The following ZFR2 variants were observed in gnomAD, a reference collection of about 807,000 sequenced individuals.
The protein encoded by ZFR2 is zinc finger RNA-binding protein 2.
A neutral mutation model predicts 105.7 loss-of-function variants in ZFR2; 104 were observed. That is an observed-to-expected ratio of 0.98 (90% confidence interval 0.84 to 1.16). ZFR2 has a LOEUF of 1.16. Among genes scored for constraint, ZFR2 ranks in the 50% most tolerant of loss-of-function variants. The probability of loss-of-function intolerance (pLI) is 0.00; values close to 1 mark genes in which losing one functional copy is unlikely to be tolerated. For missense variants in ZFR2, 1,425 were observed against 1,355.5 expected (o/e 1.05, Z -0.80); for synonymous variants, 634 against 597.7 (o/e 1.06, Z -0.89).
intron 5 of ZFR2, among the ~76,000 whole-genome samples, chr19:3,829,671 C>T (rs1385647343): frequency 6.6e-6 from 1 of 152,128 alleles, no homozygotes; most frequent in African/African-American, 2.4e-5. Context: ...TACCACCATG[C>T]CCAGCTAATT....
rs2038410934 is a variant in ZFR2 at position 3,864,710 on chromosome 19, A to ATCTT, written c.53+4251_53+4254dup. Among the ~76,000 whole-genome samples, 7 of 152,112 alleles carry ATCTT rather than the reference A, an allele frequency of 4.6e-5. No homozygotes were observed. The South Asian group carries it at 1.2e-3, about 27-fold the overall frequency. Reference sequence around the variant, plus strand: ...AGCTAAAAAACTGTGCTCAATGCTAATCTTTCTTTTCTTTTCTCTCTTCTC... The same window carrying ATCTT: ...AGCTAAAAAACTGTGCTCAATGCTAATCTTTCTTTCTTTTCTTTTCTCTCTTCTC... On this transcript the variant is annotated intron_variant, in intron 1 of 18. Coordinates refer to ENST00000262961, the MANE Select transcript of ZFR2 (RefSeq NM_015174.2).
chr19:3,824,236 G>A (rs1006334580), intron 7 of ZFR2, among the ~76,000 whole-genome samples: 1 of 152,178 alleles, frequency 6.6e-6, no homozygotes, highest in Non-Finnish European at 1.5e-5. Flanking sequence ...GGAGGTGGAG[G>A]CTGCAGTGAG....
chr19:3,840,159 C>T (rs12461613), intron 1 of ZFR2, among the ~76,000 whole-genome samples: 34,673 of 152,044 alleles, frequency 0.23, 4,866 homozygotes, highest in Admixed American at 0.34. Context: ...GGATCCTCTG[C>T]CCAGGCCCTG....
chr19:3,807,182 G>GCGGTCA lies in ZFR2; in HGVS notation c.2627_2632dup (p.Val876_Thr877dup). On this transcript the variant is annotated inframe_insertion, in exon 18 of 19. Transcript: ENST00000262961. ...ACTTGACCCTCCTACCTGGGCGCTG[G>GCGGTCA]CGGTCACGTCTTCCCGCTCTTGGAG... is the stretch of plus-strand genomic sequence containing the variant. 6.4e-7 allele frequency: 1 copy of GCGGTCA among 1,554,216 alleles called. No homozygotes were observed. Among genetic ancestry groups the GCGGTCA allele is most frequent in the Non-Finnish European group, 8.7e-7 (1 of 1,148,274 alleles).
At chr19:3,825,683 G>A (rs552841881) in intron 6 of ZFR2, among the ~76,000 whole-genome samples, 6 of 152,118 alleles carry the variant, frequency 3.9e-5, no homozygotes, top group South Asian at 2.1e-4. Context: ...TCACACGGAC[G>A]CTCTTCCTCC....
At chr19:3,812,686 A>G (rs1186064713) in intron 14 of ZFR2, among the ~76,000 whole-genome samples, 2 of 152,124 alleles carry the variant, frequency 1.3e-5, no homozygotes, top group Non-Finnish European at 2.9e-5. Context: ...CCCACACTGT[A>G]CTTAGTTTTT....
intron 17 of ZFR2, among the ~76,000 whole-genome samples, chr19:3,808,070 CGT>C (rs931692627): frequency 1.4e-5 from 2 of 139,496 alleles, no homozygotes; most frequent in Non-Finnish European, 3.1e-5. Flanking sequence ...CATGTGTGCC[CGT>C]GTGTGCAAGT....
Position 3,806,095 on chromosome 19 carries a change from T to A in ZFR2, c.2674A>T (p.Thr892Ser). Residue 892 changes from threonine to serine, a missense_variant, in exon 19 of 19, where the codon ACC becomes TCC. Transcript: ENST00000262961. ...AGATCCATGCCCAGGACCTTGTGGG[T>A]CTGCCGGAAGGCCAGCATTCGCAGG... ...HALRMLAFRQ[T>S]HKVLGMDLLP... The A allele has an allele frequency of 6.7e-7, 1 of 1,490,978 alleles. No individual in the cohort carries two copies. 92.4% of individuals were successfully genotyped at this position (1,490,978 alleles called of 1,614,324 possible).
In ZFR2 at chr19:3,825,205, C is replaced by G. The variant is rs530756708; in HGVS notation, c.1213+25G>C. 3 of 1,466,472 alleles carry G rather than the reference C, an allele frequency of 2.0e-6. No individual in the cohort carries two copies. The South Asian group carries it at 4.2e-5, about 21-fold the overall frequency. 90.8% of individuals were successfully genotyped at this position (1,466,472 alleles called of 1,614,324 possible). ...GGCGGCCAGGGCTCTGGTGGGTACACGAACACGCATACAGACACACGTACC... is the reference window on the plus strand; with the variant it reads ...GGCGGCCAGGGCTCTGGTGGGTACAGGAACACGCATACAGACACACGTACC... On this transcript the variant is annotated intron_variant, in intron 7 of 18. Coordinates refer to ENST00000262961, the MANE Select transcript of ZFR2 (RefSeq NM_015174.2).
intron 14 of ZFR2, 23 bp from the exon 15 acceptor site, chr19:3,811,389 G>A (rs2037762773): frequency 1.9e-6 from 3 of 1,557,088 alleles, no homozygotes; most frequent in Admixed American, 1.9e-5. Flanking sequence ...AAACCTCGAG[G>A]TGTGCGGGGA....
Position 3,809,939 on chromosome 19 carries a change from C to T in ZFR2, c.2433+811G>A, listed in dbSNP as rs1401443233. On this transcript the variant is annotated intron_variant, in intron 16 of 18. Transcript: ENST00000262961. ...AGCCTGGGCAACAAGAGCGAGACTC[C>T]ATCTCAAAAAAATGATTTTAAAAAA... Among the ~76,000 whole-genome samples, 12 of 151,590 alleles carry T rather than the reference C, an allele frequency of 7.9e-5. 1 individual carries two copies. In the South Asian group the frequency reaches 1.5e-3, roughly 19 times the overall value.
In ZFR2 at chr19:3,808,764, T is replaced by C. The variant is rs1484168376; in HGVS notation, c.2545+108A>G. On this transcript the variant is annotated intron_variant, in intron 17 of 18. Coordinates refer to ENST00000262961, the MANE Select transcript of ZFR2 (RefSeq NM_015174.2). Reference sequence around the variant, plus strand: ...TTGTGGGCCGCACTCCTGCCTGGGCTGGACACTTCCTCTGTGTCTGTGACC... The same window carrying C: ...TTGTGGGCCGCACTCCTGCCTGGGCCGGACACTTCCTCTGTGTCTGTGACC... The C allele has an allele frequency of 8.4e-6, 8 of 946,792 alleles. No individual in the cohort carries two copies. In the East Asian group the frequency reaches 2.3e-4, roughly 27 times the overall value. 58.6% of individuals were successfully genotyped at this position (946,792 alleles called of 1,614,324 possible). A position where few individuals can be genotyped will look rare whatever the true frequency, so the allele number is the denominator to read the frequency against.
Position 3,813,275 on chromosome 19 carries a change from A to G in ZFR2, c.2242+545T>C, listed in dbSNP as rs2037787681. Among the ~76,000 whole-genome samples the G allele has an allele frequency of 6.6e-6, 1 of 152,218 alleles. No homozygotes were observed. The highest frequency in any genetic ancestry group is 2.4e-5 in the African/African-American group (1 of 41,458). ...AGCACAGACGTGCAGTGTGTTACTGATGCCTGTCTTCGCTGTGGCCGCTGG... is the reference window on the plus strand; with the variant it reads ...AGCACAGACGTGCAGTGTGTTACTGGTGCCTGTCTTCGCTGTGGCCGCTGG... On this transcript the variant is annotated intron_variant, in intron 14 of 18. Transcript: ENST00000262961. This position sits in a 1 kb window ranked among gnomAD's most constrained non-coding sequence, Gnocchi z 4.4.
chr19:3,805,464 C>T lies in ZFR2; in HGVS notation c.*485G>A, dbSNP rs2037685774. 6.5e-6 allele frequency: 1 copy of T among 153,826 alleles called. No individual in the cohort carries two copies. The highest frequency in any genetic ancestry group is 6.5e-5 in the Admixed American group (1 of 15,414). The allele number at this position is 153,826 out of a possible 1,614,324, so 9.5% of individuals were successfully genotyped here. On this transcript the variant is annotated 3_prime_UTR_variant, in exon 19 of 19. Coordinates refer to ENST00000262961, the MANE Select transcript of ZFR2 (RefSeq NM_015174.2). The stretch of plus-strand genomic sequence containing the variant: ...GCCCTCCTGGCCTCAAGGCTCCGGA[C>T]TCAGCCTCCCAAGTAGCTGGGACTA...
At chr19:3,862,831 A>C (rs905298753) in intron 1 of ZFR2, among the ~76,000 whole-genome samples, 4 of 152,044 alleles carry the variant, frequency 2.6e-5, no homozygotes, top group African/African-American at 7.2e-5. Flanking sequence ...AAGGGCGTGA[A>C]AAAGACCGCA....
intron 7 of ZFR2, among the ~76,000 whole-genome samples, chr19:3,824,963 A>G (rs892370402): frequency 6.6e-6 from 1 of 152,050 alleles, no homozygotes; most frequent in Non-Finnish European, 1.5e-5. Context: ...AAAAAACTCT[A>G]CAGGAAGAAA....
rs367968023 is a variant in ZFR2, at chr19:3,847,250, G to C, written c.54-12267C>G. On this transcript the variant is annotated intron_variant, in intron 1 of 18. Coordinates refer to ENST00000262961, the MANE Select transcript of ZFR2 (RefSeq NM_015174.2). ...ATCATTTCATAGAGCCGGGGGCAGG[G>C]GGGTGGCTCACACCTGTAATCCCAA... is the stretch of plus-strand genomic sequence containing the variant. Among the ~76,000 whole-genome samples the C allele has an allele frequency of 2.0e-5, 3 of 152,308 alleles. No homozygotes were observed. In the South Asian group the frequency reaches 6.2e-4, roughly 32 times the overall value.
chr19:3,807,714 C>G (rs948680309), intron 17 of ZFR2, among the ~76,000 whole-genome samples: 1 of 149,392 alleles, frequency 6.7e-6, no homozygotes, highest in African/African-American at 2.5e-5. Context: ...TCCATGCATG[C>G]ACGGTGTGCC....
At position 3,831,663 on chromosome 19, in the gene ZFR2, T is replaced by G; in HGVS notation, c.595A>C (p.Thr199Pro). The G allele has an allele frequency of 6.5e-7, 1 of 1,545,240 alleles. No individual in the cohort carries two copies. The change falls in exon 4 of 19, where the codon ACG becomes CCG. Residue 199 changes from threonine (T) to proline (P), a missense_variant. Coordinates refer to ENST00000262961, the MANE Select transcript of ZFR2 (RefSeq NM_015174.2). ...GGGCAAGGAACGCTGGTCTTACCCG[T>G]GTAGGCGGTGCAGGTGGGGTTGTAG... ...PSYNPTCTAY[T>P]APSYPNYDAS...
Sources: gnomAD v4.1 joint callset for allele counts (sites outside exome capture counted in the v4.1 genomes callset) on GRCh38, gnomAD v4.1.1 for gene constraint, Gnocchi (gnomAD v3.1) non-coding constraint, MANE v1.5 for transcripts, NCBI Gene and HGNC (gene_info 2026-07-23, HGNC 2026-07-21) for gene names.